ZNF423: variants seen among roughly 807,000 people sequenced by gnomAD.
The protein encoded by ZNF423 is zinc finger protein 423.
In ZNF423, 12 loss-of-function variants were observed where a neutral mutation model predicts 95.8. The ratio of observed to expected loss-of-function variants is 0.13; its 90% CI spans 0.08 to 0.20. The LOEUF (loss-of-function observed/expected upper bound fraction) is 0.20. Ranked by LOEUF, ZNF423 falls within the 10% of genes least tolerant of loss-of-function variation. ZNF423 has a pLI of 1.00. For missense variants in ZNF423, 1,316 were observed against 1,737.1 expected (o/e 0.76, Z 4.31); for synonymous variants, 749 against 711.9 (o/e 1.05, Z -0.83).
intron 5 of ZNF423, among the ~76,000 whole-genome samples, chr16:49,590,191 C>T: frequency 6.6e-6 from 1 of 151,784 alleles, no homozygotes; most frequent in East Asian, 2.0e-4. Flanking sequence ...TGAAGAATTA[C>T]AGAAGAAATG....
Position 49,784,678 on chromosome 16 carries a change from G to A in ZNF423, c.100+4809C>T, listed in dbSNP as rs551056012. ...GACAGAAAGTGGATCAGCCAGGTGT[G>A]GTGGCTCATGCCTGTAATCCCAGTA... On this transcript the variant is annotated intron_variant, in intron 2 of 7. Transcript: ENST00000563137. 4.6e-5 allele frequency among the ~76,000 whole-genome samples: 7 copies of A among 152,314 alleles called. No individual in the cohort carries two copies. The East Asian group carries it at 1.3e-3, about 29-fold the overall frequency.
intron 1 of ZNF423, among the ~76,000 whole-genome samples, chr16:49,845,102 A>G (rs1156372017): frequency 6.9e-6 from 1 of 145,978 alleles, no homozygotes; most frequent in Non-Finnish European, 1.5e-5. Flanking sequence ...GATTGAGGCC[A>G]GATTTTTTTG....
intron 5 of ZNF423, among the ~76,000 whole-genome samples, chr16:49,553,634 G>A (rs1476461320): frequency 1.3e-5 from 2 of 151,340 alleles, no homozygotes; most frequent in South Asian, 2.1e-4. Context: ...GGCATGTGTC[G>A]CCGAGCCTGG....
At chr16:49,521,260 C>G (rs1325997850) in intron 7 of ZNF423, among the ~76,000 whole-genome samples, 1 of 152,186 alleles carries the variant, frequency 6.6e-6, no homozygotes, top group African/African-American at 2.4e-5. Flanking sequence ...TGCAGGCGAG[C>G]CAGGCAGGAG....
At chr16:49,821,780 G>A (rs1017164626) in intron 1 of ZNF423, among the ~76,000 whole-genome samples, 1 of 152,136 alleles carries the variant, frequency 6.6e-6, no homozygotes, top group Non-Finnish European at 1.5e-5. Context: ...AGGCCCTTCT[G>A]TGGGCCCAGG....
At chr16:49,584,067 T>G (rs1423204489) in intron 5 of ZNF423, among the ~76,000 whole-genome samples, 1 of 152,160 alleles carries the variant, frequency 6.6e-6, no homozygotes, top group Non-Finnish European at 1.5e-5. Context: ...GTCCCTTTTG[T>G]AAATATTGGT....
chr16:49,801,426 A>G (rs2034581846), intron 1 of ZNF423, among the ~76,000 whole-genome samples: 2 of 152,374 alleles, frequency 1.3e-5, no homozygotes, highest in Admixed American at 1.3e-4. Flanking sequence ...AGGCGGCAAA[A>G]GCAGACTCAG....
chr16:49,789,808 C>T (rs1418309686), intron 1 of ZNF423, among the ~76,000 whole-genome samples: 1 of 152,192 alleles, frequency 6.6e-6, no homozygotes, highest in Non-Finnish European at 1.5e-5. Context: ...GCAGACATCA[C>T]TAATCAATCT....
chr16:49,683,940 G>A (rs376492625), intron 3 of ZNF423, among the ~76,000 whole-genome samples: 94 of 152,280 alleles, frequency 6.2e-4, no homozygotes, highest in Middle Eastern at 3.4e-3. Flanking sequence ...GCTTAGTGGC[G>A]TGCACCTGTA....
At chr16:49,671,691 TA>T (rs2030818664) in intron 3 of ZNF423, among the ~76,000 whole-genome samples, 3 of 152,174 alleles carry the variant, frequency 2.0e-5, no homozygotes, top group African/African-American at 2.4e-5. Context: ...TTTTATTTAT[TA>T]TTTTTTTTTG....
Position 49,636,892 on chromosome 16 carries a change from C to T in ZNF423, c.2284G>A (p.Ala762Thr). Residue 762 changes from alanine (A) to threonine (T), a missense_variant, in exon 4 of 8, where the codon GCC becomes ACC. Physicochemically the swap from Ala to Thr is moderately conservative, Grantham distance 58 (BLOSUM62 0). Transcript: ENST00000563137. The surrounding 1 kb of genome is among the most constrained non-coding windows in gnomAD (Gnocchi z 8.6). ...SNEKKMYRCT[A>T]CNWDFRKEAD... is the part of the protein sequence containing the mutation. ...TCCTTGCGGAAGTCCCAGTTGCAGGCCGTGCAGCGGTACATCTTCTTCTCA... is the reference window on the plus strand; with the variant it reads ...TCCTTGCGGAAGTCCCAGTTGCAGGTCGTGCAGCGGTACATCTTCTTCTCA... 6.2e-7 allele frequency: 1 copy of T among 1,614,034 alleles called. No homozygotes were observed. The highest frequency in any genetic ancestry group is 8.5e-7 in the Non-Finnish European group (1 of 1,180,040).
At chr16:49,639,459 G>A (rs938443945) in intron 3 of ZNF423, among the ~76,000 whole-genome samples, 1 of 152,208 alleles carries the variant, frequency 6.6e-6, no homozygotes, top group South Asian at 2.1e-4. Context: ...TCAGGTGGTA[G>A]ACAAGACATA....
chr16:49,793,124 G>T (rs1446531497), intron 1 of ZNF423, among the ~76,000 whole-genome samples: 1 of 151,816 alleles, frequency 6.6e-6, no homozygotes. Flanking sequence ...CCCCCATAAG[G>T]CCCTGTGCTA....
At chr16:49,701,185 A>T (rs2032168950) in intron 3 of ZNF423, among the ~76,000 whole-genome samples, 1 of 152,200 alleles carries the variant, frequency 6.6e-6, no homozygotes, top group African/African-American at 2.4e-5. Flanking sequence ...ACCAAAGGTG[A>T]GTGTGCAGGT....
intron 7 of ZNF423, among the ~76,000 whole-genome samples, chr16:49,504,116 A>G (rs1363001345): frequency 1.3e-5 from 2 of 152,216 alleles, no homozygotes; most frequent in African/African-American, 4.8e-5. Context: ...TGGGGAGTTA[A>G]TGTTTAACAG....
chr16:49,622,724 T>C (rs1315453947), intron 5 of ZNF423, among the ~76,000 whole-genome samples: 1 of 152,132 alleles, frequency 6.6e-6, no homozygotes, highest in Non-Finnish European at 1.5e-5. Flanking sequence ...AGACTCTGCC[T>C]CCATTACTCA....
rs1361304008 is a variant in ZNF423 at position 49,673,387 on chromosome 16, A to G, written c.302-34513T>C. The stretch of plus-strand genomic sequence containing the variant: ...TGGCATTCTATTACCAAATAATTAC[A>G]TGATCATTTCATAGGCATTAAGACA... On this transcript the variant is annotated intron_variant, in intron 3 of 7. Coordinates refer to ENST00000563137, the MANE Select transcript of ZNF423 (RefSeq NM_001379286.1). Among the ~76,000 whole-genome samples, 6 of 152,288 alleles carry G rather than the reference A, an allele frequency of 3.9e-5. No individual in the cohort carries two copies. In the East Asian group the frequency reaches 7.7e-4, roughly 20 times the overall value.
chr16:49,558,376 G>A (rs572237143), intron 5 of ZNF423, among the ~76,000 whole-genome samples: 1 of 152,312 alleles, frequency 6.6e-6, no homozygotes, highest in South Asian at 2.1e-4. Context: ...CTTGTTGGGG[G>A]CAAGGAGAGA....
intron 2 of ZNF423, among the ~76,000 whole-genome samples, chr16:49,787,002 T>C (rs968099367): frequency 1.3e-5 from 2 of 152,178 alleles, no homozygotes; most frequent in Admixed American, 6.5e-5. Context: ...AGAGAAATTA[T>C]GGAGCTGCTG....
Sources: gnomAD v4.1 joint callset for allele counts (sites outside exome capture counted in the v4.1 genomes callset) on GRCh38, gnomAD v4.1.1 for gene constraint, Gnocchi (gnomAD v3.1) non-coding constraint, MANE v1.5 for transcripts, NCBI Gene and HGNC (gene_info 2026-07-23, HGNC 2026-07-21) for gene names.